Variants in CDH23 observed in about 807,000 individuals in gnomAD.
The protein encoded by CDH23 is cadherin-23.
CDH23 carries 189 observed loss-of-function variants against 317.1 expected under a neutral mutation model. The ratio of observed to expected loss-of-function variants is 0.60; its 90% CI spans 0.53 to 0.67. The LOEUF is 0.67. Among genes scored for constraint, CDH23 ranks in the 30% least tolerant of loss-of-function variants. The pLI is 0.00. For synonymous variants in CDH23, 1,839 were observed against 1,876.8 expected (o/e 0.98, Z 0.52); for missense variants, 4,401 against 4,592.4 (o/e 0.96, Z 1.20).
intron 41 of CDH23, among the ~76,000 whole-genome samples, chr10:71,782,573 G>A (rs762306072): frequency 2.0e-5 from 3 of 152,240 alleles, no homozygotes; most frequent in Non-Finnish European, 4.4e-5. Context: ...CCCAGAGCAA[G>A]CTGCCAAGGA....
chr10:71,760,591 C>A, intron 38 of CDH23: 1 of 405,822 alleles, frequency 2.5e-6, no homozygotes. Flanking sequence ...CAGTACCTGT[C>A]ATGAGGCACT....
At chr10:71,403,136 A>C (rs930678691) in intron 1 of CDH23, among the ~76,000 whole-genome samples, 3 of 151,984 alleles carry the variant, frequency 2.0e-5, no homozygotes, top group Middle Eastern at 3.4e-3. Context: ...GAACCAAAAA[A>C]CAAAAAACAA....
chr10:71,815,197 C>T lies in CDH23; in HGVS notation c.9984C>T (p.Arg3328=), dbSNP rs2133018051. 1.2e-6 allele frequency: 2 copies of T among 1,608,284 alleles called. No homozygotes were observed. The highest frequency in any genetic ancestry group is 1.7e-6 in the Non-Finnish European group (2 of 1,176,196). ...CCACTGCCTTCGAGCGCAACGCCCGCACAGAATCCGCCAAATCCACACCCC... is the reference window on the plus strand; with the variant it reads ...CCACTGCCTTCGAGCGCAACGCCCGTACAGAATCCGCCAAATCCACACCCC... The part of the protein sequence containing the change: ...AEATAFERNA[R]TESAKSTPLH... The change falls in exon 70 of 70, where the codon CGC becomes CGT. Residue 3328 remains arginine, a synonymous_variant. Transcript: ENST00000224721.
chr10:71,727,358 A>C (rs1042409783), intron 30 of CDH23, among the ~76,000 whole-genome samples: 2 of 152,204 alleles, frequency 1.3e-5, no homozygotes, highest in Non-Finnish European at 2.9e-5. Context: ...TCATCCCCAC[A>C]GGGTAATTTT....
chr10:71,535,269 C>T (rs913597029), intron 6 of CDH23, among the ~76,000 whole-genome samples: 6 of 152,198 alleles, frequency 3.9e-5, no homozygotes, highest in Non-Finnish European at 7.3e-5. Flanking sequence ...TGTCTTGCTC[C>T]GGGCCCACTT....
At position 71,682,446 on chromosome 10, in the gene CDH23, G is replaced by T; in HGVS notation, c.1860G>T (p.Val620=). ...TCTGGCCTGTTCCTGTCATTGCAGTGATCAGCGTCAGTCGCCCCCTGGATT... is the reference window on the plus strand; with the variant it reads ...TCTGGCCTGTTCCTGTCATTGCAGTTATCAGCGTCAGTCGCCCCCTGGATT... The part of the protein sequence containing the change: ...FDISLYEGYG[V]ISVSRPLDYE... The change falls in exon 18 of 70, where the codon GTG becomes GTT. Residue 620 remains valine (V), a splice_region_variant and synonymous_variant. Transcript: ENST00000224721. 6.2e-7 allele frequency: 1 copy of T among 1,611,692 alleles called. No individual in the cohort carries two copies. Among genetic ancestry groups the T allele is most frequent in the Non-Finnish European group, 8.5e-7 (1 of 1,178,842 alleles).
chr10:71,708,538 C>T (rs1865867968), intron 26 of CDH23, among the ~76,000 whole-genome samples: 1 of 152,232 alleles, frequency 6.6e-6, no homozygotes, highest in Non-Finnish European at 1.5e-5. Context: ...TCAGTAATCC[C>T]TGTCTCCTGT....
At chr10:71,530,069 A>ACACACACT (rs1260256322) in intron 6 of CDH23, among the ~76,000 whole-genome samples, 3 of 145,014 alleles carry the variant, frequency 2.1e-5, no homozygotes, top group Admixed American at 6.8e-5. Flanking sequence ...ACACACACAC[A>ACACACACT]CTCTCCCCAG....
chr10:71,784,094 T>C (rs1589419353), intron 41 of CDH23, among the ~76,000 whole-genome samples, 193 bp from the exon 42 acceptor site: 1 of 152,146 alleles, frequency 6.6e-6, no homozygotes, highest in Non-Finnish European at 1.5e-5. Context: ...GGTGATCCGC[T>C]ACCACCCACC....
chr10:71,749,410 G>A (rs1407465563), intron 38 of CDH23: 1 of 152,192 alleles, frequency 6.6e-6, no homozygotes, highest in Non-Finnish European at 1.5e-5. Flanking sequence ...GGGCTTAAGC[G>A]GTCCTTCCAC....
At chr10:71,627,747 T>G (rs1278757935) in intron 11 of CDH23, among the ~76,000 whole-genome samples, 1 of 152,046 alleles carries the variant, frequency 6.6e-6, no homozygotes, top group Non-Finnish European at 1.5e-5. Context: ...GCAGGCTCCT[T>G]CCCCACACCC....
chr10:71,692,526 T>C (rs1298307410), intron 20 of CDH23, among the ~76,000 whole-genome samples: 1 of 152,228 alleles, frequency 6.6e-6, no homozygotes, highest in Non-Finnish European at 1.5e-5. Flanking sequence ...GATTAATTTC[T>C]TCCTCGCCCT....
chr10:71,657,073 A>G (rs1418243003), intron 14 of CDH23, among the ~76,000 whole-genome samples: 2 of 152,116 alleles, frequency 1.3e-5, no homozygotes, highest in Non-Finnish European at 2.9e-5. Context: ...CCCTTGCTGG[A>G]GTTGCTTCAC....
intron 61 of CDH23, 80 bp from the exon 62 acceptor site, chr10:71,810,391 AG>A (rs2132997844): frequency 7.9e-7 from 1 of 1,271,270 alleles, no homozygotes; most frequent in African/African-American, 1.5e-5. Context: ...GAAGGGCAGA[AG>A]GGGTTCCTAA....
intron 1 of CDH23, among the ~76,000 whole-genome samples, chr10:71,438,579 G>C (rs1275412524): frequency 2.0e-5 from 3 of 152,126 alleles, no homozygotes; most frequent in Admixed American, 1.3e-4. Context: ...TCCAAGTCCA[G>C]AATTAAGGGG....
At chr10:71,408,618 T>C (rs1490161155) in intron 1 of CDH23, among the ~76,000 whole-genome samples, 2 of 152,174 alleles carry the variant, frequency 1.3e-5, no homozygotes, top group Admixed American at 1.3e-4. Flanking sequence ...GCCAGGCAGC[T>C]GATCTGCCAA....
At chr10:71,422,341 C>CACTT (rs1179268465) in intron 1 of CDH23, among the ~76,000 whole-genome samples, 1 of 152,226 alleles carries the variant, frequency 6.6e-6, no homozygotes, top group Admixed American at 6.5e-5. Flanking sequence ...CTGCCATTGT[C>CACTT]ACTTACTTCT....
intron 41 of CDH23, 79 bp downstream of exon 41, chr10:71,779,526 A>G: frequency 7.9e-7 from 1 of 1,270,840 alleles, no homozygotes. Context: ...GGGAGGTCTC[A>G]AGGCATTTGG....
intron 28 of CDH23, 137 bp from the exon 29 acceptor site, chr10:71,723,908 C>T: frequency 1.1e-6 from 1 of 943,678 alleles, no homozygotes; most frequent in South Asian, 1.4e-5. Context: ...TCTCCCACAC[C>T]CCCAGCCTCT....
Sources: allele counts gnomAD v4.1 joint callset (sites outside exome capture counted in the v4.1 genomes callset), GRCh38; gene constraint gnomAD v4.1.1; transcripts MANE v1.5; gene names NCBI Gene and HGNC (gene_info 2026-07-23, HGNC 2026-07-21).